MPHOSPH9: variants seen among roughly 807,000 people sequenced by gnomAD.
MPHOSPH9 encodes M-phase phosphoprotein 9.
Under a neutral mutation model 145.5 loss-of-function variants are expected in MPHOSPH9, and 88 were observed. The ratio of observed to expected loss-of-function variants is 0.60; its 90% CI spans 0.51 to 0.72. The LOEUF (loss-of-function observed/expected upper bound fraction) is 0.72. Ranked by LOEUF, MPHOSPH9 falls within the 30% of genes least tolerant of loss-of-function variation. The pLI is 0.00. For synonymous variants in MPHOSPH9, 435 were observed against 486.2 expected, an observed-to-expected ratio of 0.89 and a Z score of 1.39; for missense variants, 1,238 against 1,386.6, an observed-to-expected ratio of 0.89 and a Z score of 1.70.
chr12:123,193,869 T>C (rs930046361), intron 13 of MPHOSPH9, among the ~76,000 whole-genome samples: 13 of 151,300 alleles, frequency 8.6e-5, no homozygotes, highest in Middle Eastern at 6.8e-3. Flanking sequence ...AGAAAAGATA[T>C]GGGAGTGATG....
At chr12:123,187,255 T>C (rs2045484850) in intron 13 of MPHOSPH9, among the ~76,000 whole-genome samples, 1 of 151,784 alleles carries the variant, frequency 6.6e-6, no homozygotes, top group African/African-American at 2.4e-5. Flanking sequence ...AGCGAAACTC[T>C]GTCTCAAAAA....
chr12:123,178,576 T>G (rs1447706889), intron 15 of MPHOSPH9, among the ~76,000 whole-genome samples: 1 of 152,160 alleles, frequency 6.6e-6, no homozygotes, highest in Non-Finnish European at 1.5e-5. Flanking sequence ...CAGGCTGGAG[T>G]GCAGTGGCGT....
chr12:123,164,998 ACT>A (rs2044252375), intron 18 of MPHOSPH9, among the ~76,000 whole-genome samples: 1 of 113,802 alleles, frequency 8.8e-6, no homozygotes, highest in African/African-American at 3.7e-5. Context: ...AAAGAGTGAG[ACT>A]CTGTCTCACT....
chr12:123,221,979 A>G, intron 4 of MPHOSPH9, 84 bp from the exon 5 acceptor site: 2 of 749,060 alleles, frequency 2.7e-6, no homozygotes, highest in Non-Finnish European at 4.2e-6. Context: ...ATCATGTTTC[A>G]AAATATGATG....
At chr12:123,226,949 T>C (rs1184714514) in intron 3 of MPHOSPH9, among the ~76,000 whole-genome samples, 1 of 152,198 alleles carries the variant, frequency 6.6e-6, no homozygotes, top group Non-Finnish European at 1.5e-5. Flanking sequence ...GTAAGTATTC[T>C]TTTAACTGTT....
At chr12:123,152,593 T>C (rs1187255001), downstream of MPHOSPH9, 1 of 456,642 alleles carries the variant, frequency 2.2e-6, no homozygotes, top group Non-Finnish European at 4.4e-6. Flanking sequence ...CAAATGCACA[T>C]TTATGGCTTG....
intron 13 of MPHOSPH9, among the ~76,000 whole-genome samples, chr12:123,181,428 T>C (rs2045138402): frequency 1.3e-5 from 2 of 152,092 alleles, no homozygotes; most frequent in African/African-American, 4.8e-5. Context: ...AAAATAAAGC[T>C]GGATGCGGTG....
chr12:123,223,782 C>G (rs2047315659), intron 3 of MPHOSPH9, among the ~76,000 whole-genome samples: 1 of 152,102 alleles, frequency 6.6e-6, no homozygotes, highest in Non-Finnish European at 1.5e-5. Flanking sequence ...TTTGTGAACT[C>G]TGTCTCCTAC....
chr12:123,192,628 C>CAAAAAAAAAAAAAAAAAAAAAAAAA, intron 13 of MPHOSPH9, among the ~76,000 whole-genome samples: 1 of 49,374 alleles, frequency 2.0e-5, no homozygotes, highest in Non-Finnish European at 3.5e-5. Context: ...GACACCGTCT[C>CAAAAAAAAAAAAAAAAAAAAAAAAA]AAAAAAAAAA....
intron 3 of MPHOSPH9, among the ~76,000 whole-genome samples, chr12:123,224,923 G>A (rs1412759549): frequency 6.6e-6 from 1 of 152,138 alleles, no homozygotes; most frequent in Non-Finnish European, 1.5e-5. Context: ...TTCACAGTGA[G>A]TACATACAGG....
intron 16 of MPHOSPH9, among the ~76,000 whole-genome samples, chr12:123,167,103 A>G (rs1284369635): frequency 6.6e-6 from 1 of 152,076 alleles, no homozygotes; most frequent in Non-Finnish European, 1.5e-5. Flanking sequence ...CTGAGGGTAA[A>G]GTGCTGAAGG....
chr12:123,174,192 C>T (rs1565909291), intron 16 of MPHOSPH9, among the ~76,000 whole-genome samples: 1 of 152,156 alleles, frequency 6.6e-6, no homozygotes, highest in Admixed American at 6.6e-5. Flanking sequence ...GGGTTTTGCA[C>T]TCAATACCGG....
chr12:123,193,684 A>C (rs1377492024), intron 13 of MPHOSPH9, among the ~76,000 whole-genome samples: 5 of 152,232 alleles, frequency 3.3e-5, no homozygotes, highest in Admixed American at 3.3e-4. Context: ...TTTCAATGTT[A>C]TACAAATCCA....
chr12:123,240,282 G>A (rs936687072), intron 1 of MPHOSPH9, among the ~76,000 whole-genome samples: 1 of 151,722 alleles, frequency 6.6e-6, no homozygotes, highest in African/African-American at 2.4e-5. Context: ...GCTGAGGCAG[G>A]AGAATTGCTA....
At chr12:123,241,043 C>G (rs977932042) in intron 1 of MPHOSPH9, among the ~76,000 whole-genome samples, 2 of 150,736 alleles carry the variant, frequency 1.3e-5, no homozygotes, top group African/African-American at 2.4e-5. Context: ...TTCAGAGACA[C>G]GAAATGAAAG....
At chr12:123,206,967 C>T (rs749537561) in intron 8 of MPHOSPH9, among the ~76,000 whole-genome samples, 2 of 151,680 alleles carry the variant, frequency 1.3e-5, no homozygotes, top group Non-Finnish European at 2.9e-5. Context: ...GTAATCCCAG[C>T]ACTGTGGGAG....
In MPHOSPH9 at chr12:123,156,762, C is replaced by A; in HGVS notation, c.*45G>T. ...TGCCTTTTCTGACTGCATAATTATA[C>A]ATTAGTGCAAACAAAAATGTCTCAA... On this transcript the variant is annotated 3_prime_UTR_variant, in exon 24 of 24. Transcript: ENST00000606320. 3 of 1,494,008 alleles carry A rather than the reference C, an allele frequency of 2.0e-6. No individual in the cohort carries two copies. The highest frequency in any genetic ancestry group is 2.8e-6 in the Non-Finnish European group (3 of 1,076,550). The allele number at this position is 1,494,008 out of a possible 1,614,324, so 92.5% of individuals were successfully genotyped here.
chr12:123,195,097 A>C (rs1365079242), intron 12 of MPHOSPH9, among the ~76,000 whole-genome samples: 1 of 152,212 alleles, frequency 6.6e-6, no homozygotes, highest in Admixed American at 6.5e-5. Context: ...ACATTATCAT[A>C]AGGTATACAG....
chr12:123,181,127 T>C, intron 14 of MPHOSPH9, 36 bp downstream of exon 14: 1 of 1,569,982 alleles, frequency 6.4e-7, no homozygotes, highest in Admixed American at 1.7e-5. Context: ...TTTCTGCCTC[T>C]GCATGAAATC....
Sources: gnomAD v4.1 joint callset for allele counts (sites outside exome capture counted in the v4.1 genomes callset) on GRCh38, gnomAD v4.1.1 for gene constraint, MANE v1.5 for transcripts, NCBI Gene and HGNC (gene_info 2026-07-23, HGNC 2026-07-21) for gene names.